Variants in CCDC148 observed in about 807,000 individuals in gnomAD.
CCDC148 encodes the protein coiled-coil domain-containing protein 148.
In CCDC148, 89 loss-of-function variants were observed where a neutral mutation model predicts 85.7. The ratio of observed to expected loss-of-function variants is 1.04; its 90% CI spans 0.87 to 1.24. CCDC148 has a LOEUF of 1.24. Ranked by LOEUF, CCDC148 falls within the 50% of genes most tolerant of loss-of-function variation. The pLI, the probability that CCDC148 is intolerant of heterozygous loss-of-function variation, is 0.00. For synonymous variants in CCDC148, 230 were observed against 213.9 expected, an observed-to-expected ratio of 1.08 and a Z score of -0.66; for missense variants, 692 against 671.7, an observed-to-expected ratio of 1.03 and a Z score of -0.33.
intron 11 of CCDC148, among the ~76,000 whole-genome samples, chr2:158,197,524 G>A (rs1685737906): frequency 1.3e-5 from 2 of 152,118 alleles, no homozygotes; most frequent in South Asian, 2.1e-4. Flanking sequence ...TAAGACACAT[G>A]ATACCAAATC....
intron 9 of CCDC148, among the ~76,000 whole-genome samples, chr2:158,293,328 C>T (rs1690982543): frequency 6.6e-6 from 1 of 152,226 alleles, no homozygotes; most frequent in African/African-American, 2.4e-5. Flanking sequence ...ACACACCTTA[C>T]ACTTGTCTGC....
chr2:158,230,258 T>C (rs1559002394), intron 10 of CCDC148, among the ~76,000 whole-genome samples: 2 of 152,238 alleles, frequency 1.3e-5, no homozygotes, highest in Non-Finnish European at 2.9e-5. Flanking sequence ...ATGAATGGAA[T>C]ATCACATGCT....
chr2:158,379,154 T>C (rs1301952384), intron 1 of CCDC148, among the ~76,000 whole-genome samples: 1 of 152,078 alleles, frequency 6.6e-6, no homozygotes, highest in African/African-American at 2.4e-5. Flanking sequence ...TCAAAATAAA[T>C]AGCAGCATTA....
rs1343510204 is a variant in CCDC148, at chr2:158,196,878, AT to A, written c.1371-17883del. ...GATAGTAGCTGGGCAGTTACTTCTG[AT>A]TGACTAACTTTAAATTAAAATATCT... On this transcript the variant is annotated intron_variant, in intron 11 of 13. Coordinates refer to ENST00000283233, the MANE Select transcript of CCDC148 (RefSeq NM_138803.4). 2.0e-5 allele frequency among the ~76,000 whole-genome samples: 3 copies of A among 152,232 alleles called. No individual in the cohort carries two copies. The East Asian group carries it at 5.8e-4, about 29-fold the overall frequency.
At chr2:158,369,208 A>G (rs1219188594) in intron 1 of CCDC148, among the ~76,000 whole-genome samples, 1 of 152,276 alleles carries the variant, frequency 6.6e-6, no homozygotes, top group Middle Eastern at 3.4e-3. Flanking sequence ...AATTCTGTGA[A>G]GAATGTCAAT....
rs142098209 is a variant in CCDC148 at position 158,386,462 on chromosome 2, T to C, written c.26-27892A>G. 1.4e-4 allele frequency among the ~76,000 whole-genome samples: 21 copies of C among 152,262 alleles called. No individual in the cohort carries two copies. In the East Asian group the frequency reaches 2.3e-3, roughly 17 times the overall value. ...CCGGTACATGAAGGCAAATTAACCATATACAATGTGGTTGCAATGCAGATT... is the reference window on the plus strand; with the variant it reads ...CCGGTACATGAAGGCAAATTAACCACATACAATGTGGTTGCAATGCAGATT... On this transcript the variant is annotated intron_variant, in intron 1 of 13. Transcript: ENST00000283233.
intron 1 of CCDC148, among the ~76,000 whole-genome samples, chr2:158,405,692 G>T (rs753782228): frequency 6.6e-6 from 1 of 152,100 alleles, no homozygotes. Context: ...AATAAGATTG[G>T]ATCGTGGTTT....
intron 11 of CCDC148, among the ~76,000 whole-genome samples, chr2:158,194,252 A>G (rs1685559358): frequency 6.6e-6 from 1 of 152,156 alleles, no homozygotes; most frequent in South Asian, 2.1e-4. Flanking sequence ...AAACACAGGT[A>G]AAACAACAAC....
intron 1 of CCDC148, among the ~76,000 whole-genome samples, chr2:158,374,398 G>A (rs16842907): frequency 0.049 from 7,510 of 152,024 alleles, 330 homozygotes; most frequent in African/African-American, 0.12. Context: ...CACAAATAAT[G>A]TAGTTTTACC....
At chr2:158,278,116 T>C (rs1399263537) in intron 9 of CCDC148, among the ~76,000 whole-genome samples, 1 of 152,160 alleles carries the variant, frequency 6.6e-6, no homozygotes, top group African/African-American at 2.4e-5. Flanking sequence ...TTTTAAAACA[T>C]AAATTTATTT....
At position 158,327,417 on chromosome 2, in the gene CCDC148, G is replaced by T. The variant is rs930398832; in HGVS notation, c.764+11309C>A. 3.3e-5 allele frequency among the ~76,000 whole-genome samples: 5 copies of T among 152,238 alleles called. No homozygotes were observed. The Middle Eastern group carries it at 0.01, about 311-fold the overall frequency. Reference sequence around the variant, plus strand: ...ACAATAATGCCTCTGCCATGATTAGGAAAGGACCCACCTACCACCTCAGGA... The same window carrying T: ...ACAATAATGCCTCTGCCATGATTAGTAAAGGACCCACCTACCACCTCAGGA... On this transcript the variant is annotated intron_variant, in intron 7 of 13. Transcript: ENST00000283233.
intron 10 of CCDC148, among the ~76,000 whole-genome samples, chr2:158,238,833 T>C (rs1433605572): frequency 6.6e-6 from 1 of 152,184 alleles, no homozygotes; most frequent in Non-Finnish European, 1.5e-5. Context: ...AGTAAATAGT[T>C]TGAAACTGAG....
intron 1 of CCDC148, among the ~76,000 whole-genome samples, chr2:158,425,738 C>T (rs1174980536): frequency 5.9e-5 from 9 of 152,142 alleles, no homozygotes; most frequent in Admixed American, 5.9e-4. Context: ...CCCTGTTTCC[C>T]AATATGTAGA....
chr2:158,251,403 G>A (rs1392039415), intron 9 of CCDC148, among the ~76,000 whole-genome samples: 2 of 151,656 alleles, frequency 1.3e-5, no homozygotes, highest in Admixed American at 1.3e-4. Context: ...AACTTTCTGG[G>A]TACTGGTATG....
intron 8 of CCDC148, among the ~76,000 whole-genome samples, chr2:158,310,959 G>T (rs878877160): frequency 6.6e-6 from 1 of 151,416 alleles, no homozygotes; most frequent in Non-Finnish European, 1.5e-5. Context: ...ACAGTGTGGC[G>T]GCCGGGAAGA....
intron 7 of CCDC148, among the ~76,000 whole-genome samples, chr2:158,332,731 G>A (rs566949554): frequency 6.6e-6 from 1 of 151,982 alleles, no homozygotes; most frequent in African/African-American, 2.4e-5. Context: ...GTCTACTCAG[G>A]GATTCGACTT....
rs189762690 is a variant in CCDC148, at chr2:158,417,716, G to A, written c.25+38699C>T. Among the ~76,000 whole-genome samples, 5 of 152,030 alleles carry A rather than the reference G, an allele frequency of 3.3e-5. No homozygotes were observed. The East Asian group carries it at 5.8e-4, about 18-fold the overall frequency. On this transcript the variant is annotated intron_variant, in intron 1 of 13. Coordinates refer to ENST00000283233, the MANE Select transcript of CCDC148 (RefSeq NM_138803.4). ...ATGCACTCCCCCATAAATTAAGCTT[G>A]TCTAATTCTGTCTTGTTGTCTATTC... is the stretch of plus-strand genomic sequence containing the variant.
chr2:158,420,757 T>C (rs566003558), intron 1 of CCDC148, among the ~76,000 whole-genome samples: 28 of 152,176 alleles, frequency 1.8e-4, no homozygotes, highest in Admixed American at 1.2e-3. Flanking sequence ...TAAATGTAAA[T>C]GGGCTAAATG....
intron 9 of CCDC148, among the ~76,000 whole-genome samples, chr2:158,254,224 TAGTTGATGCTATTA>T (rs1688920182): frequency 6.6e-6 from 1 of 151,870 alleles, no homozygotes; most frequent in Admixed American, 6.6e-5. Context: ...ACTGATTAGT[TAGTTGATGCTATTA>T]AGTTGATGCT....
Sources: allele counts gnomAD v4.1 joint callset (sites outside exome capture counted in the v4.1 genomes callset), GRCh38; gene constraint gnomAD v4.1.1; transcripts MANE v1.5; gene names NCBI Gene and HGNC (gene_info 2026-07-23, HGNC 2026-07-21).